The following TTC39B variants were observed in gnomAD, a reference collection of about 807,000 sequenced individuals.
TTC39B encodes the protein tetratricopeptide repeat protein 39B.
Under a neutral mutation model 96.6 loss-of-function variants are expected in TTC39B, and 92 were observed. The observed-to-expected ratio is 0.95, with a 90% CI of 0.80 to 1.13. TTC39B has a LOEUF of 1.13. Among genes scored for constraint, TTC39B ranks in the 50% most tolerant of loss-of-function variants. The probability of loss-of-function intolerance (pLI) is 0.00; values close to 1 mark genes in which losing one functional copy is unlikely to be tolerated. For missense variants in TTC39B, 955 were observed against 809.3 expected (o/e 1.18, Z -2.18); for synonymous variants, 367 against 299.4 (o/e 1.23, Z -2.33).
exon 20 of TTC39B, chr9:15,171,949 TTAATA>T: frequency 8.3e-7 from 1 of 1,202,056 alleles, no homozygotes; most frequent in Non-Finnish European, 1.2e-6. Context: ...TTTTTCCACT[TTAATA>T]TAAGGTTGAA....
chr9:15,280,193 C>T (rs758916360), intron 1 of TTC39B, among the ~76,000 whole-genome samples: 29 of 152,104 alleles, frequency 1.9e-4, no homozygotes, highest in Admixed American at 3.9e-4. Context: ...CCACCGTGCC[C>T]GGCCTGTAAA....
Position 15,250,207 on chromosome 9 carries a change from G to C in TTC39B, c.275+17707C>G, listed in dbSNP as rs1822470864. ...AGTGGCAGCTACACTCACTGCTGTA[G>C]CGGATGCTTCTGCAGGAAGGGATGC... On this transcript the variant is annotated intron_variant, in intron 2 of 19. Coordinates refer to ENST00000512701, the Ensembl canonical transcript of TTC39B. 7.0e-6 allele frequency: 8 copies of C among 1,138,112 alleles called. No individual in the cohort carries two copies. The Admixed American group carries it at 2.2e-4, about 31-fold the overall frequency. The allele number at this position is 1,138,112 out of a possible 1,614,324, so 70.5% of individuals were successfully genotyped here.
At chr9:15,235,293 C>G (rs1821725696) in intron 2 of TTC39B, among the ~76,000 whole-genome samples, 1 of 152,030 alleles carries the variant, frequency 6.6e-6, no homozygotes, top group African/African-American at 2.4e-5. Context: ...ATGAACAAAG[C>G]ATTTCAGACA....
intron 1 of TTC39B, among the ~76,000 whole-genome samples, chr9:15,272,135 T>G (rs1823379092): frequency 6.6e-6 from 1 of 152,354 alleles, no homozygotes; most frequent in African/African-American, 2.4e-5. Context: ...CCTTTTCTGC[T>G]GCTGCCTCAG....
intron 2 of TTC39B, among the ~76,000 whole-genome samples, chr9:15,259,841 G>A (rs1822882052): frequency 6.6e-6 from 1 of 152,116 alleles, no homozygotes; most frequent in African/African-American, 2.4e-5. Context: ...ATACATATTA[G>A]ATTATTCCAT....
intron 2 of TTC39B, among the ~76,000 whole-genome samples, chr9:15,233,818 T>G (rs1469980338): frequency 1.4e-5 from 2 of 144,178 alleles, no homozygotes; most frequent in Non-Finnish European, 3.0e-5. Context: ...TGGCCGCCCA[T>G]CCTCTGGGAT....
Position 15,200,692 on chromosome 9 carries a change from A to T in TTC39B, c.760-767T>A, listed in dbSNP as rs118029564. On this transcript the variant is annotated intron_variant, in intron 7 of 19. Coordinates refer to ENST00000512701, the Ensembl canonical transcript of TTC39B. ...GCATATCCAGAGAGAAAGTTTTTCT[A>T]GTCTATTGATATCAGAAAGATGCTC... 4.6e-3 allele frequency among the ~76,000 whole-genome samples: 700 copies of T among 152,350 alleles called. 5 individuals are homozygous for T. The highest frequency in any genetic ancestry group is 7.5e-3 in the Non-Finnish European group (508 of 68,034).
intron 2 of TTC39B, among the ~76,000 whole-genome samples, chr9:15,256,917 G>C (rs1822771653): frequency 6.6e-6 from 1 of 152,148 alleles, no homozygotes; most frequent in South Asian, 2.1e-4. Context: ...TTCAGCTTTA[G>C]ACAGGAAAAC....
intron 8 of TTC39B, among the ~76,000 whole-genome samples, chr9:15,198,413 C>A (rs995802942): frequency 1.3e-5 from 2 of 150,884 alleles, no homozygotes; most frequent in Non-Finnish European, 2.9e-5. Flanking sequence ...GCTGAGATCA[C>A]ACCACTGCAC....
At chr9:15,175,208 T>A (rs1163127922) in intron 18 of TTC39B, 73 bp from the exon 19 acceptor site, 2 of 1,068,774 alleles carry the variant, frequency 1.9e-6, no homozygotes, top group East Asian at 5.0e-5. Context: ...TATATATTAT[T>A]CCCATTCTTC....
At chr9:15,281,345 G>T (rs1042802269) in intron 1 of TTC39B, among the ~76,000 whole-genome samples, 1 of 152,096 alleles carries the variant, frequency 6.6e-6, no homozygotes, top group African/African-American at 2.4e-5. Flanking sequence ...CCTATTCACA[G>T]TAAGTACGAA....
chr9:15,238,050 A>C (rs1345299427), intron 2 of TTC39B, among the ~76,000 whole-genome samples: 1 of 152,242 alleles, frequency 6.6e-6, no homozygotes, highest in Non-Finnish European at 1.5e-5. Context: ...AAAACAACTG[A>C]TAAAATCCAA....
At chr9:15,208,986 T>C (rs1247109924) in intron 6 of TTC39B, among the ~76,000 whole-genome samples, 1 of 152,190 alleles carries the variant, frequency 6.6e-6, no homozygotes, top group African/African-American at 2.4e-5. Context: ...CCAGAATTGC[T>C]CTTGCTCTAA....
chr9:15,222,009 C>T (rs1820869394), intron 3 of TTC39B, among the ~76,000 whole-genome samples: 1 of 152,166 alleles, frequency 6.6e-6, no homozygotes, highest in Non-Finnish European at 1.5e-5. Context: ...TAGGTGAAGG[C>T]TAAATGAATT....
chr9:15,285,854 C>CA (rs947148475), intron 1 of TTC39B, among the ~76,000 whole-genome samples: 38 of 148,390 alleles, frequency 2.6e-4, no homozygotes, highest in South Asian at 8.6e-4. Flanking sequence ...GATTCCGTCT[C>CA]AAAAAAAAAA....
chr9:15,228,118 G>C (rs1228803561), intron 2 of TTC39B, among the ~76,000 whole-genome samples: 2 of 151,874 alleles, frequency 1.3e-5, no homozygotes, highest in African/African-American at 2.4e-5. Flanking sequence ...TAACACACTA[G>C]ATATAAACAT....
chr9:15,165,344 C>T (rs909758384), exon 20 of TTC39B: 2 of 151,312 alleles, frequency 1.3e-5, no homozygotes, highest in Admixed American at 1.3e-4. Context: ...CAAACTCTGT[C>T]TCAGGGAAAA....
intron 2 of TTC39B, among the ~76,000 whole-genome samples, chr9:15,262,013 C>T (rs1341013356): frequency 6.6e-6 from 1 of 152,190 alleles, no homozygotes; most frequent in Non-Finnish European, 1.5e-5. Flanking sequence ...TATCATGCAA[C>T]AGGTCCTTAA....
At chr9:15,193,524 T>C (rs555225779) in intron 8 of TTC39B, among the ~76,000 whole-genome samples, 2 of 152,344 alleles carry the variant, frequency 1.3e-5, no homozygotes, top group African/African-American at 4.8e-5. Context: ...CTAGCAAGCC[T>C]ATAGACCTAA....
Sources: allele counts gnomAD v4.1 joint callset (sites outside exome capture counted in the v4.1 genomes callset), GRCh38; gene constraint gnomAD v4.1.1; transcripts MANE v1.5; gene names NCBI Gene and HGNC (gene_info 2026-07-23, HGNC 2026-07-21).